NRG3: variants seen among roughly 807,000 people sequenced by gnomAD.
NRG3 encodes the protein neuregulin 3.
In NRG3, 31 loss-of-function variants were observed where a neutral mutation model predicts 66.9. The observed-to-expected ratio is 0.46, with a 90% CI of 0.35 to 0.63. The LOEUF is 0.63. Among genes scored for constraint, NRG3 ranks in the 20% least tolerant of loss-of-function variants. The pLI, the probability that NRG3 is intolerant of heterozygous loss-of-function variation, is 0.00. For synonymous variants in NRG3, 393 were observed against 359.4 expected (o/e 1.09, Z -1.06); for missense variants, 910 against 878.9 (o/e 1.04, Z -0.45).
rs957870705 is a variant in NRG3, at chr10:82,144,312, G to C, written c.824-214427G>C. ...TGGGACCACATCTATCTTATATTAAGTGATCTTTGAAGCAGCTCTAATAGG... is the reference window on the plus strand; with the variant it reads ...TGGGACCACATCTATCTTATATTAACTGATCTTTGAAGCAGCTCTAATAGG... On this transcript the variant is annotated intron_variant, in intron 1 of 8. Transcript: ENST00000372141. 2.6e-5 allele frequency among the ~76,000 whole-genome samples: 4 copies of C among 152,208 alleles called. No individual in the cohort carries two copies. In the East Asian group the frequency reaches 5.8e-4, roughly 22 times the overall value.
At chr10:82,342,889 T>C (rs2082757802) in intron 1 of NRG3, among the ~76,000 whole-genome samples, 1 of 152,282 alleles carries the variant, frequency 6.6e-6, no homozygotes, top group South Asian at 2.1e-4. Flanking sequence ...CAAGGATTTT[T>C]ACAGTTTCAA....
chr10:81,950,701 T>C (rs1409817085), intron 1 of NRG3, among the ~76,000 whole-genome samples: 1 of 152,228 alleles, frequency 6.6e-6, no homozygotes, highest in African/African-American at 2.4e-5. Flanking sequence ...AGTATTTCAT[T>C]GTATTACTGG....
intron 1 of NRG3, among the ~76,000 whole-genome samples, chr10:82,008,506 A>G (rs1343769553): frequency 1.3e-5 from 2 of 152,248 alleles, no homozygotes; most frequent in Non-Finnish European, 2.9e-5. Flanking sequence ...AAGGTATTTA[A>G]TATATCACTC....
At chr10:82,202,028 T>C (rs926202521) in intron 1 of NRG3, among the ~76,000 whole-genome samples, 1 of 152,208 alleles carries the variant, frequency 6.6e-6, no homozygotes, top group Non-Finnish European at 1.5e-5. Flanking sequence ...AACAGGTATT[T>C]CTTGAAGACC....
intron 2 of NRG3, among the ~76,000 whole-genome samples, chr10:82,364,196 A>G (rs1223148941): frequency 6.6e-6 from 1 of 152,172 alleles, no homozygotes; most frequent in Non-Finnish European, 1.5e-5. Flanking sequence ...ATAATTCACT[A>G]TTATTGAGCT....
intron 3 of NRG3, among the ~76,000 whole-genome samples, chr10:82,850,096 G>A (rs950629662): frequency 1.3e-5 from 2 of 152,174 alleles, no homozygotes; most frequent in Non-Finnish European, 2.9e-5. Context: ...TACGTGAACA[G>A]TTAGACAAAG....
intron 1 of NRG3, among the ~76,000 whole-genome samples, chr10:82,001,122 C>T (rs768520592): frequency 6.6e-6 from 1 of 150,926 alleles, no homozygotes; most frequent in Non-Finnish European, 1.5e-5. Flanking sequence ...AAAATATTTA[C>T]TGCCACTATT....
intron 1 of NRG3, among the ~76,000 whole-genome samples, chr10:82,129,839 G>A (rs2068695252): frequency 6.6e-6 from 1 of 152,074 alleles, no homozygotes; most frequent in Non-Finnish European, 1.5e-5. Context: ...GGGATTACAG[G>A]TGTGAGAACC....
intron 2 of NRG3, among the ~76,000 whole-genome samples, chr10:82,469,928 A>G (rs1841081543): frequency 6.6e-6 from 1 of 152,198 alleles, no homozygotes; most frequent in Non-Finnish European, 1.5e-5. Context: ...GTGCATGCTA[A>G]GAAACGCAAT....
chr10:82,293,021 G>A (rs1169939762), intron 1 of NRG3, among the ~76,000 whole-genome samples: 9 of 152,018 alleles, frequency 5.9e-5, no homozygotes, highest in South Asian at 2.1e-4. Context: ...TATTTCTTGC[G>A]GCTGCATGTC....
intron 1 of NRG3, among the ~76,000 whole-genome samples, chr10:82,162,004 C>T (rs2071638450): frequency 6.6e-6 from 1 of 152,060 alleles, no homozygotes; most frequent in Non-Finnish European, 1.5e-5. Context: ...TGTGCCCAAA[C>T]CCTCAAATGA....
intron 1 of NRG3, among the ~76,000 whole-genome samples, chr10:81,904,134 C>G (rs1844362677): frequency 6.6e-6 from 1 of 151,918 alleles, no homozygotes; most frequent in South Asian, 2.1e-4. Context: ...CTCAGCCTCC[C>G]TAGTAGCTGG....
At chr10:82,541,356 T>C (rs1229188743) in intron 2 of NRG3, among the ~76,000 whole-genome samples, 1 of 152,138 alleles carries the variant, frequency 6.6e-6, no homozygotes. Context: ...CACCGAGTTG[T>C]GGAAGGAAAG....
At chr10:82,658,917 A>G (rs2052090369) in intron 2 of NRG3, among the ~76,000 whole-genome samples, 1 of 152,122 alleles carries the variant, frequency 6.6e-6, no homozygotes, top group Admixed American at 6.5e-5. Context: ...TTTGAAGGGG[A>G]AGAGAATAAA....
chr10:81,915,784 A>G (rs1845651725), intron 1 of NRG3, among the ~76,000 whole-genome samples: 1 of 152,082 alleles, frequency 6.6e-6, no homozygotes, highest in South Asian at 2.1e-4. Context: ...CTGAGGAGAC[A>G]GAAAATTAGC....
chr10:82,198,591 G>T (rs1182951857), intron 1 of NRG3, among the ~76,000 whole-genome samples: 1 of 152,118 alleles, frequency 6.6e-6, no homozygotes, highest in Admixed American at 6.5e-5. Flanking sequence ...TTCTCTCTGA[G>T]GTTTAAAAAA....
At chr10:81,971,495 A>G (rs1170470201) in intron 1 of NRG3, among the ~76,000 whole-genome samples, 1 of 152,218 alleles carries the variant, frequency 6.6e-6, no homozygotes, top group African/African-American at 2.4e-5. Flanking sequence ...GATGACAGGG[A>G]CTTACACTTC....
rs189025725 is a variant in NRG3, at chr10:82,272,631, T to A, written c.824-86108T>A. 3.0e-3 allele frequency among the ~76,000 whole-genome samples: 460 copies of A among 152,206 alleles called. 2 individuals carry two copies. The highest frequency in any genetic ancestry group is 0.01 in the African/African-American group (425 of 41,550). Reference sequence around the variant, plus strand: ...ACAGGGTTTACGCCTTTCTACTTTGTTGTTCCTGAATTCAAAAACTTTTGA... The same window carrying A: ...ACAGGGTTTACGCCTTTCTACTTTGATGTTCCTGAATTCAAAAACTTTTGA... On this transcript the variant is annotated intron_variant, in intron 1 of 8. Transcript: ENST00000372141.
chr10:82,063,349 ATATCT>A (rs2064268069), intron 1 of NRG3, among the ~76,000 whole-genome samples: 2 of 152,094 alleles, frequency 1.3e-5, no homozygotes, highest in South Asian at 4.1e-4. Flanking sequence ...AGTATTACAA[ATATCT>A]TAGCTTATAA....
Sources: gnomAD v4.1 joint callset for allele counts (sites outside exome capture counted in the v4.1 genomes callset) on GRCh38, gnomAD v4.1.1 for gene constraint, MANE v1.5 for transcripts, NCBI Gene and HGNC (gene_info 2026-07-23, HGNC 2026-07-21) for gene names.